Variants in SVEP1 observed in about 807,000 individuals in gnomAD.
The protein encoded by SVEP1 is sushi, von Willebrand factor type A, EGF and pentraxin domain containing 1.
Under a neutral mutation model 367.3 loss-of-function variants are expected in SVEP1, and 164 were observed. That is an observed-to-expected ratio of 0.45 (90% CI 0.39 to 0.51). SVEP1 has a LOEUF of 0.51. SVEP1 is among the 20% of genes least tolerant of loss of function. The pLI, the probability that SVEP1 is intolerant of heterozygous loss-of-function variation, is 0.00. For synonymous variants in SVEP1, 1,666 were observed against 1,611.6 expected, an observed-to-expected ratio of 1.03 and a Z score of -0.81; for missense variants, 4,117 against 4,425.3, an observed-to-expected ratio of 0.93 and a Z score of 1.98.
chr9:110,366,707 T>C, intron 47 of SVEP1, 147 bp from the exon 48 acceptor site: 1 of 667,466 alleles, frequency 1.5e-6, no homozygotes, highest in Non-Finnish European at 2.3e-6. Context: ...ATGGGGGTCA[T>C]TCTTTGAGAT....
chr9:110,436,363 C>T lies in SVEP1; in HGVS notation c.4764+17G>A. 3 of 1,613,804 alleles carry T rather than the reference C, an allele frequency of 1.9e-6. No homozygotes were observed. The highest frequency in any genetic ancestry group is 2.5e-6 in the Non-Finnish European group (3 of 1,179,802). ...CTTTGCATCTCATTACTGTCATACA[C>T]TGAAAATGGAATTGACCTGCTGTGG... On this transcript the variant is annotated intron_variant, in intron 28 of 47. Coordinates refer to ENST00000374469, the MANE Select transcript of SVEP1 (RefSeq NM_153366.4).
At chr9:110,555,587 T>C (rs1830346591) in intron 1 of SVEP1, among the ~76,000 whole-genome samples, 1 of 152,242 alleles carries the variant, frequency 6.6e-6, no homozygotes, top group African/African-American at 2.4e-5. Context: ...TACTACTCAT[T>C]ACACACAAAA....
At chr9:110,534,214 T>C (rs1318534320) in intron 3 of SVEP1, among the ~76,000 whole-genome samples, 1 of 152,168 alleles carries the variant, frequency 6.6e-6, no homozygotes, top group Non-Finnish European at 1.5e-5. Flanking sequence ...GTTTCTATTG[T>C]TTCCTTCTTT....
At chr9:110,574,058 G>A (rs1158876183) in intron 1 of SVEP1, among the ~76,000 whole-genome samples, 1 of 152,142 alleles carries the variant, frequency 6.6e-6, no homozygotes, top group Non-Finnish European at 1.5e-5. Flanking sequence ...GTCCAATTCT[G>A]ACACCAAATA....
At chr9:110,564,456 G>A (rs969348000) in intron 1 of SVEP1, among the ~76,000 whole-genome samples, 33 of 152,094 alleles carry the variant, frequency 2.2e-4, no homozygotes, top group African/African-American at 7.7e-4. Context: ...ACTCTGGAAC[G>A]CTTGAAAAAG....
At chr9:110,454,555 C>A (rs1391625448) in intron 22 of SVEP1, among the ~76,000 whole-genome samples, 1 of 152,172 alleles carries the variant, frequency 6.6e-6, no homozygotes, top group Non-Finnish European at 1.5e-5. Flanking sequence ...ATGGAATACA[C>A]CTAGGTGCCC....
chr9:110,437,817 TCAA>T (rs1318111297), intron 27 of SVEP1, among the ~76,000 whole-genome samples: 1 of 152,146 alleles, frequency 6.6e-6, no homozygotes, highest in African/African-American at 2.4e-5. Context: ...GTCCCCAAAG[TCAA>T]CTACTCTTTC....
intron 5 of SVEP1, among the ~76,000 whole-genome samples, chr9:110,509,767 T>C (rs992769929): frequency 5.3e-5 from 8 of 152,218 alleles, no homozygotes; most frequent in Non-Finnish European, 1.5e-5. Flanking sequence ...TCGATATGTG[T>C]ATTTGTTAAC....
intron 46 of SVEP1, among the ~76,000 whole-genome samples, 198 bp downstream of exon 46, chr9:110,375,170 A>G (rs1428101577): frequency 6.6e-6 from 1 of 152,208 alleles, no homozygotes; most frequent in South Asian, 2.1e-4. Flanking sequence ...TCTTCGGCAC[A>G]TGACCTGGAA....
In SVEP1 at chr9:110,387,394, A is replaced by G. The variant is rs746181779; in HGVS notation, c.9951T>C (p.Thr3317=). The part of the protein sequence containing the change: ...NGKADIENRT[T]GPNVVYSCNR... ...TGCAGGAATATACCACGTTGGGTCCAGTCGTCCTGTTTTCAATGTCAGCTT... is the reference window on the plus strand; with the variant it reads ...TGCAGGAATATACCACGTTGGGTCCGGTCGTCCTGTTTTCAATGTCAGCTT... Residue 3317 remains threonine, a synonymous_variant, in exon 42 of 48, where the codon ACT becomes ACC. Coordinates refer to ENST00000374469, the MANE Select transcript of SVEP1 (RefSeq NM_153366.4). The G allele has an allele frequency of 3.1e-6, 5 of 1,613,542 alleles. No homozygotes were observed. In the East Asian group the frequency reaches 6.7e-5, roughly 22 times the overall value.
chr9:110,402,167 T>C (rs913109019), intron 39 of SVEP1, among the ~76,000 whole-genome samples: 1 of 152,194 alleles, frequency 6.6e-6, no homozygotes, highest in African/African-American at 2.4e-5. Context: ...TAATCATTTA[T>C]TAATGATTTA....
In SVEP1 at chr9:110,400,848, G is replaced by C. The variant is rs199916059; in HGVS notation, c.9822+6C>G. On this transcript the variant is annotated splice_donor_region_variant and intron_variant, in intron 40 of 47. Coordinates refer to ENST00000374469, the MANE Select transcript of SVEP1 (RefSeq NM_153366.4). ...TTATTTCTAGTTAAACAATTTGTTC[G>C]CTTACCTCTAGTTCATAGCCAGGCT... 6.2e-7 allele frequency: 1 copy of C among 1,600,354 alleles called. No homozygotes were observed. The highest frequency in any genetic ancestry group is 8.5e-7 in the Non-Finnish European group (1 of 1,173,992).
At chr9:110,455,134 C>G (rs1164922754) in intron 22 of SVEP1, among the ~76,000 whole-genome samples, 1 of 152,014 alleles carries the variant, frequency 6.6e-6, no homozygotes, top group Non-Finnish European at 1.5e-5. Context: ...CACACATATT[C>G]ACACACACAC....
At chr9:110,373,997 T>A (rs1159334391) in intron 46 of SVEP1, among the ~76,000 whole-genome samples, 1 of 150,876 alleles carries the variant, frequency 6.6e-6, no homozygotes, top group Non-Finnish European at 1.5e-5. Context: ...TCCTTTAAAC[T>A]TTTTTTTAAC....
At chr9:110,383,399 T>A (rs574160829) in intron 43 of SVEP1, among the ~76,000 whole-genome samples, 3 of 152,180 alleles carry the variant, frequency 2.0e-5, no homozygotes, top group African/African-American at 7.2e-5. Flanking sequence ...CCTGAAGGTG[T>A]TACCAGCGGA....
intron 3 of SVEP1, among the ~76,000 whole-genome samples, chr9:110,520,304 A>T (rs1009195621): frequency 6.6e-6 from 1 of 152,134 alleles, no homozygotes; most frequent in East Asian, 1.9e-4. Context: ...ACCAAGCAAA[A>T]GTTGAAAAAA....
chr9:110,458,941 G>A lies in SVEP1; in HGVS notation c.3484+11C>T, dbSNP rs772779012. ...AACATAGGATTACATAAGAAATGAA[G>A]TTCATCTTACTTGAACATTCTGTGA... On this transcript the variant is annotated intron_variant, in intron 19 of 47. Coordinates refer to ENST00000374469, the MANE Select transcript of SVEP1 (RefSeq NM_153366.4). 1.2e-6 allele frequency: 2 copies of A among 1,607,488 alleles called. No homozygotes were observed. The highest frequency in any genetic ancestry group is 1.7e-5 in the Admixed American group (1 of 59,698).
In SVEP1 at chr9:110,435,364, C is replaced by T. The variant is rs750367402; in HGVS notation, c.4765G>A (p.Val1589Met). ...LWDYVLSPQQ[V>M]KSLATSCPEE... is the part of the protein sequence containing the mutation. ...GGGCAGGAGGTAGCCAGTGACTTCA[C>T]CTGAAAGTTTAATAACACTTTAGAT... is the stretch of plus-strand genomic sequence containing the variant. Residue 1589 changes from valine to methionine, a missense_variant and splice_region_variant, in exon 29 of 48, where the codon GTG becomes ATG. Val to Met is a conservative substitution (Grantham distance 21). Around this residue, in one of 4 missense-constraint regions of SVEP1, gnomAD observed 2,174 missense variants for 2,494.3 expected, o/e 0.87. Coordinates refer to ENST00000374469, the MANE Select transcript of SVEP1 (RefSeq NM_153366.4). The T allele has an allele frequency of 1.1e-5, 17 of 1,612,660 alleles. No individual in the cohort carries two copies. Among genetic ancestry groups the T allele is most frequent in the African/African-American group, 2.7e-5 (2 of 74,864 alleles).
At chr9:110,455,340 A>C (rs1828761753) in intron 22 of SVEP1, among the ~76,000 whole-genome samples, 1 of 152,210 alleles carries the variant, frequency 6.6e-6, no homozygotes, top group South Asian at 2.1e-4. Flanking sequence ...GCTGGCAAAG[A>C]TGGGAACACG....
Sources: allele counts gnomAD v4.1 joint callset (sites outside exome capture counted in the v4.1 genomes callset), GRCh38; gene constraint gnomAD v4.1.1; regional missense constraint gnomAD v4.1.1; transcripts MANE v1.5; gene names NCBI Gene and HGNC (gene_info 2026-07-23, HGNC 2026-07-21).